NXPH1: variants seen among roughly 807,000 people sequenced by gnomAD.
NXPH1 encodes the protein neurexophilin-1.
In NXPH1, 5 loss-of-function variants were observed where a neutral mutation model predicts 23.7. The ratio of observed to expected loss-of-function variants is 0.21; its 90% CI spans 0.11 to 0.44. The LOEUF is 0.44. Among genes scored for constraint, NXPH1 ranks in the 20% least tolerant of loss-of-function variants. The pLI, the probability that NXPH1 is intolerant of heterozygous loss-of-function variation, is 0.99. For missense variants in NXPH1, 324 were observed against 321.6 expected, an observed-to-expected ratio of 1.01 and a Z score of -0.06; for synonymous variants, 144 against 122.2, an observed-to-expected ratio of 1.18 and a Z score of -1.18.
chr7:8,470,062 G>A (rs938559680), intron 2 of NXPH1, among the ~76,000 whole-genome samples: 38 of 152,232 alleles, frequency 2.5e-4, no homozygotes, highest in African/African-American at 8.9e-4. Context: ...TGTGTATGTA[G>A]TTGACATGCA....
chr7:8,667,932 C>T (rs10233301), intron 2 of NXPH1, among the ~76,000 whole-genome samples: 9,840 of 151,732 alleles, frequency 0.065, 690 homozygotes, highest in East Asian at 0.25. Context: ...TTTTCGAGTT[C>T]ACAGATTCTT....
chr7:8,451,910 A>C (rs987678701), intron 2 of NXPH1, among the ~76,000 whole-genome samples: 2 of 152,198 alleles, frequency 1.3e-5, no homozygotes, highest in Admixed American at 6.5e-5. Flanking sequence ...GTCCTCATGG[A>C]CTTGGGTGCA....
chr7:8,486,631 TGC>T (rs1817163427), intron 2 of NXPH1, among the ~76,000 whole-genome samples: 1 of 152,180 alleles, frequency 6.6e-6, no homozygotes. Context: ...AGATAATAAA[TGC>T]CATGCTGGAT....
chr7:8,523,426 T>C (rs1422101680), intron 2 of NXPH1, among the ~76,000 whole-genome samples: 1 of 152,194 alleles, frequency 6.6e-6, no homozygotes, highest in Non-Finnish European at 1.5e-5. Flanking sequence ...ACTGAAGGAT[T>C]TGATAAATAT....
At chr7:8,475,758 C>T (rs1036581149) in intron 2 of NXPH1, among the ~76,000 whole-genome samples, 6 of 151,980 alleles carry the variant, frequency 3.9e-5, no homozygotes, top group Non-Finnish European at 5.9e-5. Context: ...GTCTTTTGCT[C>T]CTGTTAAAAT....
At chr7:8,586,941 T>A (rs1253267072) in intron 2 of NXPH1, among the ~76,000 whole-genome samples, 1 of 152,164 alleles carries the variant, frequency 6.6e-6, no homozygotes, top group African/African-American at 2.4e-5. Flanking sequence ...TAGGTAAATA[T>A]TCCAGGCAAT....
chr7:8,483,500 G>C (rs983850612), intron 2 of NXPH1, among the ~76,000 whole-genome samples: 1 of 151,866 alleles, frequency 6.6e-6, no homozygotes. Flanking sequence ...GTAGAGACTG[G>C]GTTTCCCTAT....
intron 2 of NXPH1, among the ~76,000 whole-genome samples, chr7:8,443,271 A>C (rs1816336576): frequency 6.6e-6 from 1 of 152,130 alleles, no homozygotes; most frequent in African/African-American, 2.4e-5. Flanking sequence ...CACCACGGAG[A>C]TTTTGCGAAT....
At chr7:8,451,192 T>A (rs1248228646) in intron 2 of NXPH1, among the ~76,000 whole-genome samples, 1 of 151,580 alleles carries the variant, frequency 6.6e-6, no homozygotes, top group East Asian at 1.9e-4. Flanking sequence ...GGTTTAGGAA[T>A]CCTGATAACA....
intron 2 of NXPH1, among the ~76,000 whole-genome samples, chr7:8,622,896 A>G (rs1049340973): frequency 2.0e-5 from 3 of 152,226 alleles, no homozygotes; most frequent in Admixed American, 2.0e-4. Context: ...CTATGAGTGC[A>G]GAGGAAGAAA....
chr7:8,746,121 T>G (rs1248470796), intron 2 of NXPH1, among the ~76,000 whole-genome samples: 1 of 152,214 alleles, frequency 6.6e-6, no homozygotes, highest in African/African-American at 2.4e-5. Flanking sequence ...ATTTCTTTAT[T>G]CCACTCAATA....
chr7:8,435,958 G>A lies in NXPH1; in HGVS notation c.54+191G>A, dbSNP rs559407610. On this transcript the variant is annotated intron_variant, in intron 2 of 2. Transcript: ENST00000405863. This position sits in a 1 kb window ranked among gnomAD's most constrained non-coding sequence, Gnocchi z 5.9. ...TTCCGGGGTTCCCACCCCATTTTCT[G>A]CTCCAATCCCCCAGTCTCCTGCGCG... Among the ~76,000 whole-genome samples, 2 of 152,168 alleles carry A rather than the reference G, an allele frequency of 1.3e-5. No homozygotes were observed. Among genetic ancestry groups the A allele is most frequent in the Non-Finnish European group, 2.9e-5 (2 of 68,036 alleles).
At chr7:8,663,138 G>C (rs970265839) in intron 2 of NXPH1, among the ~76,000 whole-genome samples, 2 of 151,996 alleles carry the variant, frequency 1.3e-5, no homozygotes, top group Non-Finnish European at 1.5e-5. Context: ...GCTTAAAATT[G>C]AGATATTGGA....
chr7:8,579,889 G>A (rs1818833054), intron 2 of NXPH1, among the ~76,000 whole-genome samples: 1 of 152,120 alleles, frequency 6.6e-6, no homozygotes. Flanking sequence ...TCTAGAAGCG[G>A]GTCAGGCATT....
intron 2 of NXPH1, among the ~76,000 whole-genome samples, chr7:8,508,211 T>A (rs1450536720): frequency 6.6e-6 from 1 of 152,106 alleles, no homozygotes; most frequent in Non-Finnish European, 1.5e-5. Flanking sequence ...AAAATCATAA[T>A]TAGATGAATA....
In NXPH1 at chr7:8,435,258, C is replaced by A. The variant is rs1391427598; in HGVS notation, c.-110-346C>A. On this transcript the variant is annotated intron_variant, in intron 1 of 2. Coordinates refer to ENST00000405863, the MANE Select transcript of NXPH1 (RefSeq NM_152745.3). The surrounding 1 kb of genome is among the most constrained non-coding windows in gnomAD (Gnocchi z 5.9). ...CAGCCGCCGCCTTTAGTCCGAGCCG[C>A]CGGGCCACCCAACACAAGGGCAGGT... is the stretch of plus-strand genomic sequence containing the variant. 1 of 227,676 alleles carries A rather than the reference C, an allele frequency of 4.4e-6. No homozygotes were observed. The highest frequency in any genetic ancestry group is 2.3e-5 in the African/African-American group (1 of 42,688). The allele number at this position is 227,676 out of a possible 1,614,324, so 14.1% of individuals were successfully genotyped here. A position where few individuals can be genotyped will look rare whatever the true frequency, so the allele number is the denominator to read the frequency against.
chr7:8,656,429 T>G (rs1310784802), intron 2 of NXPH1, among the ~76,000 whole-genome samples: 1 of 152,010 alleles, frequency 6.6e-6, no homozygotes, highest in Non-Finnish European at 1.5e-5. Flanking sequence ...TTATCCCCAT[T>G]ACAGAGAAGA....
chr7:8,468,502 T>C (rs1816820253), intron 2 of NXPH1, among the ~76,000 whole-genome samples: 1 of 152,142 alleles, frequency 6.6e-6, no homozygotes, highest in Non-Finnish European at 1.5e-5. Flanking sequence ...TTTGCTTTGC[T>C]TTTTGGTTTT....
chr7:8,743,217 A>C (rs1381111342), intron 2 of NXPH1, among the ~76,000 whole-genome samples: 1 of 152,158 alleles, frequency 6.6e-6, no homozygotes, highest in African/African-American at 2.4e-5. Flanking sequence ...GTGTTCATAC[A>C]TTTGGTGAAA....
Sources: allele counts gnomAD v4.1 joint callset (sites outside exome capture counted in the v4.1 genomes callset), GRCh38; gene constraint gnomAD v4.1.1; non-coding constraint Gnocchi (gnomAD v3.1); transcripts MANE v1.5; gene names NCBI Gene and HGNC (gene_info 2026-07-23, HGNC 2026-07-21).